The following DSCAM variants were observed in gnomAD, a reference collection of about 807,000 sequenced individuals.
DSCAM encodes cell adhesion molecule DSCAM.
In DSCAM, 47 loss-of-function variants were observed where a neutral mutation model predicts 217.7. The observed-to-expected ratio is 0.22, with a 90% CI of 0.17 to 0.28. The LOEUF is 0.28. Ranked by LOEUF, DSCAM falls within the 10% of genes least tolerant of loss-of-function variation. The pLI, the probability that DSCAM is intolerant of heterozygous loss-of-function variation, is 1.00. For missense variants in DSCAM, 2,080 were observed against 2,618.3 expected (o/e 0.79, Z 4.49); for synonymous variants, 1,056 against 1,015.3 (o/e 1.04, Z -0.76).
chr21:40,751,327 A>G (rs769676122), intron 1 of DSCAM, among the ~76,000 whole-genome samples: 10 of 152,154 alleles, frequency 6.6e-5, no homozygotes, highest in Non-Finnish European at 1.2e-4. Context: ...ATATTCATTT[A>G]TCTGATGCAT....
chr21:40,619,993 G>C (rs1601794674), intron 3 of DSCAM, among the ~76,000 whole-genome samples: 1 of 123,436 alleles, frequency 8.1e-6, no homozygotes, highest in Admixed American at 7.9e-5. Context: ...AAGAAAGAGA[G>C]AGAGAAAGAG....
At chr21:40,841,595 G>A (rs1226026792) in intron 1 of DSCAM, among the ~76,000 whole-genome samples, 1 of 152,166 alleles carries the variant, frequency 6.6e-6, no homozygotes, top group Non-Finnish European at 1.5e-5. Context: ...CGGTCCCGGA[G>A]CCTTGCCTGC....
intron 30 of DSCAM, among the ~76,000 whole-genome samples, chr21:40,048,218 G>T: frequency 6.6e-6 from 1 of 152,204 alleles, no homozygotes; most frequent in Non-Finnish European, 1.5e-5. Context: ...CCGGGCACAT[G>T]GCACAGGCAC....
intron 1 of DSCAM, among the ~76,000 whole-genome samples, chr21:40,788,903 C>G (rs879627014): frequency 6.6e-6 from 1 of 152,124 alleles, no homozygotes; most frequent in African/African-American, 2.4e-5. Context: ...ATTTCAGCAA[C>G]CATATAGCAC....
intron 3 of DSCAM, among the ~76,000 whole-genome samples, chr21:40,615,070 G>A (rs903756107): frequency 4.0e-5 from 6 of 151,676 alleles, no homozygotes; most frequent in African/African-American, 9.7e-5. Flanking sequence ...TTGGGAGGCC[G>A]AGGCGGGCAG....
At chr21:40,561,627 G>A (rs1305393380) in intron 3 of DSCAM, among the ~76,000 whole-genome samples, 3 of 152,054 alleles carry the variant, frequency 2.0e-5, no homozygotes, top group African/African-American at 7.2e-5. Flanking sequence ...TAAAACGTGG[G>A]GTTTGTGAAG....
chr21:40,381,569 T>G (rs2075025999), intron 3 of DSCAM, among the ~76,000 whole-genome samples: 2 of 152,230 alleles, frequency 1.3e-5, no homozygotes, highest in African/African-American at 2.4e-5. Context: ...TTACCTGGTC[T>G]GTGTTAGCAA....
intron 9 of DSCAM, among the ~76,000 whole-genome samples, chr21:40,299,416 C>T (rs1046232761): frequency 1.3e-5 from 2 of 152,116 alleles, no homozygotes; most frequent in African/African-American, 4.8e-5. Context: ...AACTCTAAGA[C>T]TGGGAACATC....
intron 3 of DSCAM, among the ~76,000 whole-genome samples, chr21:40,538,350 G>A (rs191627357): frequency 5.9e-5 from 9 of 152,262 alleles, no homozygotes; most frequent in African/African-American, 1.9e-4. Context: ...GGCCCATCAC[G>A]CTGTCCTGTA....
In DSCAM at chr21:40,078,669, C is replaced by A; in HGVS notation, c.4711+18G>T. ...CCCCAAGACACAAGCAGGAGAGCCA[C>A]AAAGCCAGCCAGCTTACTGCCATCG... is the stretch of plus-strand genomic sequence containing the variant. On this transcript the variant is annotated intron_variant, in intron 26 of 32. Coordinates refer to ENST00000400454, the MANE Select transcript of DSCAM (RefSeq NM_001389.5). 1 of 1,605,204 alleles carries A rather than the reference C, an allele frequency of 6.2e-7. No homozygotes were observed. Among genetic ancestry groups the A allele is most frequent in the Non-Finnish European group, 8.5e-7 (1 of 1,174,312 alleles).
At chr21:40,675,108 ATC>A (rs2090324306) in intron 3 of DSCAM, among the ~76,000 whole-genome samples, 2 of 152,148 alleles carry the variant, frequency 1.3e-5, no homozygotes, top group South Asian at 4.1e-4. Flanking sequence ...TGGGGCTGGC[ATC>A]TCTGAGTCTA....
At chr21:40,431,024 A>C (rs954507260) in intron 3 of DSCAM, among the ~76,000 whole-genome samples, 1 of 152,260 alleles carries the variant, frequency 6.6e-6, no homozygotes, top group East Asian at 1.9e-4. Flanking sequence ...TTCGAAAAGC[A>C]AAGCAGTCTG....
chr21:40,487,868 A>G (rs1334036744), intron 3 of DSCAM, among the ~76,000 whole-genome samples: 1 of 152,144 alleles, frequency 6.6e-6, no homozygotes, highest in African/African-American at 2.4e-5. Context: ...GAGAGAAGAG[A>G]GTTGTAGCCA....
chr21:40,318,600 C>T (rs765419916), intron 8 of DSCAM, among the ~76,000 whole-genome samples: 1 of 152,148 alleles, frequency 6.6e-6, no homozygotes, highest in African/African-American at 2.4e-5. Flanking sequence ...TCCCTGAGAT[C>T]GGTGACTTCC....
At chr21:40,618,736 T>C (rs1421972261) in intron 3 of DSCAM, 5 of 151,262 alleles carry the variant, frequency 3.3e-5, no homozygotes, top group African/African-American at 9.7e-5. Context: ...GAGACAATGA[T>C]CAGAGAGATT....
At chr21:40,072,590 C>T (rs867340738) in intron 27 of DSCAM, among the ~76,000 whole-genome samples, 7 of 151,966 alleles carry the variant, frequency 4.6e-5, no homozygotes, top group Non-Finnish European at 7.4e-5. Context: ...CCTCGTGATC[C>T]GCCCACCTTG....
chr21:40,087,315 GATT>G (rs772339598), intron 21 of DSCAM, 28 bp from the exon 22 acceptor site: 3 of 1,558,356 alleles, frequency 1.9e-6, no homozygotes, highest in Non-Finnish European at 2.7e-6. Context: ...GTGGAATCCT[GATT>G]ACTCCACAGA....
At chr21:40,588,721 AAGAC>A (rs1314101675) in intron 3 of DSCAM, among the ~76,000 whole-genome samples, 3 of 152,250 alleles carry the variant, frequency 2.0e-5, no homozygotes, top group Non-Finnish European at 4.4e-5. Flanking sequence ...GAAAGAAAAA[AAGAC>A]AGGTTGTTGT....
intron 8 of DSCAM, among the ~76,000 whole-genome samples, chr21:40,331,352 C>T (rs1196846187): frequency 1.3e-5 from 2 of 152,128 alleles, no homozygotes; most frequent in Non-Finnish European, 2.9e-5. Context: ...ACATTTGTTC[C>T]CAGCCTTTGA....
Sources: allele counts gnomAD v4.1 joint callset (sites outside exome capture counted in the v4.1 genomes callset), GRCh38; gene constraint gnomAD v4.1.1; transcripts MANE v1.5; gene names NCBI Gene and HGNC (gene_info 2026-07-23, HGNC 2026-07-21).